Variants in PDE4B observed in about 807,000 individuals in gnomAD.
The protein encoded by PDE4B is phosphodiesterase 4B, also known as 3',5'-cyclic-AMP phosphodiesterase 4B.
A neutral mutation model predicts 82.2 loss-of-function variants in PDE4B; 20 were observed. The observed-to-expected ratio is 0.24, with a 90% confidence interval of 0.17 to 0.35. PDE4B has a LOEUF of 0.35. Ranked by LOEUF, PDE4B falls within the 10% of genes least tolerant of loss-of-function variation. The pLI, the probability that PDE4B is intolerant of heterozygous loss-of-function variation, is 1.00. For missense variants in PDE4B, 655 were observed against 907.2 expected (o/e 0.72, Z 3.57); for synonymous variants, 320 against 318.9 (o/e 1.00, Z -0.04).
intron 7 of PDE4B, chr1:66,332,170 T>C: frequency 7.2e-7 from 1 of 1,387,418 alleles, no homozygotes; most frequent in Non-Finnish European, 9.3e-7. Flanking sequence ...AACTCTTTGG[T>C]GCTTCTGCCT....
At chr1:66,118,285 G>A (rs7418220) in intron 3 of PDE4B, among the ~76,000 whole-genome samples, 73,930 of 151,790 alleles carry the variant, frequency 0.49, 18,599 homozygotes, top group East Asian at 0.67. Flanking sequence ...TGTTTATTGC[G>A]GCACTATTCA....
chr1:66,148,807 G>A (rs1193545403), intron 3 of PDE4B, among the ~76,000 whole-genome samples: 3 of 152,084 alleles, frequency 2.0e-5, no homozygotes, highest in Non-Finnish European at 4.4e-5. Context: ...AATGTTTTTA[G>A]GGTTTATTCA....
chr1:66,074,271 C>T (rs12121473), intron 3 of PDE4B, among the ~76,000 whole-genome samples: 35,085 of 151,948 alleles, frequency 0.23, 4,715 homozygotes, highest in Middle Eastern at 0.37. Flanking sequence ...TTAATAATAC[C>T]TTCCTTTTGT....
intron 3 of PDE4B, among the ~76,000 whole-genome samples, chr1:66,199,522 T>C (rs531984382): frequency 5.4e-4 from 82 of 152,292 alleles, no homozygotes; most frequent in African/African-American, 1.8e-3. Flanking sequence ...TATTAGCCCT[T>C]TGTCAGATGA....
At chr1:66,140,241 G>T (rs1320771256) in intron 3 of PDE4B, among the ~76,000 whole-genome samples, 2 of 152,160 alleles carry the variant, frequency 1.3e-5, no homozygotes, top group Non-Finnish European at 2.9e-5. Flanking sequence ...CTCACTTCCT[G>T]TGTAGTGCCA....
intron 3 of PDE4B, chr1:66,112,808 C>A (rs912955749): frequency 2.6e-5 from 4 of 152,346 alleles, no homozygotes; most frequent in African/African-American, 9.6e-5. Context: ...AGCAAATCAT[C>A]ATAGCAACTC....
chr1:66,300,652 T>C (rs961422876), intron 7 of PDE4B, among the ~76,000 whole-genome samples: 10 of 152,154 alleles, frequency 6.6e-5, no homozygotes, highest in Non-Finnish European at 1.3e-4. Context: ...GCCTACAGTG[T>C]GTGTATAGCT....
At chr1:66,048,548 A>G (rs1654840336) in intron 3 of PDE4B, among the ~76,000 whole-genome samples, 1 of 151,974 alleles carries the variant, frequency 6.6e-6, no homozygotes, top group Non-Finnish European at 1.5e-5. Flanking sequence ...CACTACAAAG[A>G]AAGTAGTCTA....
chr1:66,147,295 A>T (rs577690088), intron 3 of PDE4B, among the ~76,000 whole-genome samples: 1 of 152,178 alleles, frequency 6.6e-6, no homozygotes, highest in African/African-American at 2.4e-5. Flanking sequence ...ATTCGTTATC[A>T]TATTTGGCCC....
At chr1:66,352,200 TTCGCCA>T (rs1661884178) in intron 8 of PDE4B, among the ~76,000 whole-genome samples, 1 of 152,174 alleles carries the variant, frequency 6.6e-6, no homozygotes, top group African/African-American at 2.4e-5. Flanking sequence ...ATTTGCATAC[TTCGCCA>T]TGTTGTGTGT....
At chr1:66,192,049 A>G (rs539540883) in intron 3 of PDE4B, among the ~76,000 whole-genome samples, 1 of 152,290 alleles carries the variant, frequency 6.6e-6, no homozygotes, top group South Asian at 2.1e-4. Flanking sequence ...AAGTCTTTTT[A>G]GGAAAAATAA....
At chr1:66,093,676 A>T (rs1645065197) in intron 3 of PDE4B, among the ~76,000 whole-genome samples, 2 of 152,064 alleles carry the variant, frequency 1.3e-5, no homozygotes, top group South Asian at 4.1e-4. Flanking sequence ...GCCTTCTTTA[A>T]CTTTATTTAA....
At chr1:66,337,973 CT>C (rs1478146332) in intron 8 of PDE4B, among the ~76,000 whole-genome samples, 1 of 152,208 alleles carries the variant, frequency 6.6e-6, no homozygotes, top group Admixed American at 6.5e-5. Context: ...TATTTGGAAT[CT>C]TTCCATATTC....
chr1:66,123,043 ATC>A (rs1645745640), intron 3 of PDE4B, among the ~76,000 whole-genome samples: 1 of 151,396 alleles, frequency 6.6e-6, no homozygotes, highest in Non-Finnish European at 1.5e-5. Flanking sequence ...TTGACCATTT[ATC>A]TGTTTCTCTT....
chr1:65,929,315 G>A (rs963733905), intron 3 of PDE4B, among the ~76,000 whole-genome samples: 3 of 152,128 alleles, frequency 2.0e-5, no homozygotes, highest in African/African-American at 7.2e-5. Flanking sequence ...ACTGGGGATG[G>A]GGAAGCTGTT....
At chr1:66,177,540 A>T (rs943992827) in intron 3 of PDE4B, among the ~76,000 whole-genome samples, 1 of 152,224 alleles carries the variant, frequency 6.6e-6, no homozygotes, top group Non-Finnish European at 1.5e-5. Context: ...CTGAAGGAAG[A>T]TTTTATTTGA....
At chr1:66,121,095 A>G (rs1323138118) in intron 3 of PDE4B, among the ~76,000 whole-genome samples, 1 of 152,206 alleles carries the variant, frequency 6.6e-6, no homozygotes, top group Non-Finnish European at 1.5e-5. Context: ...AGGATAGACC[A>G]GAAAATAGTG....
At chr1:65,929,010 T>C (rs1462749401) in intron 3 of PDE4B, among the ~76,000 whole-genome samples, 1 of 152,210 alleles carries the variant, frequency 6.6e-6, no homozygotes, top group Admixed American at 6.5e-5. Context: ...GTTCTTCAGA[T>C]TTCTGTTTAT....
rs564633512 is a variant in PDE4B at position 66,290,122 on chromosome 1, A to C, written c.634+24035A>C. On this transcript the variant is annotated intron_variant, in intron 7 of 16. Transcript: ENST00000341517. ...TAATTTTCAGTGATCTGATGTAGCC[A>C]AGAAGAGATATCAACACAGCAGAGA... Among the ~76,000 whole-genome samples the C allele has an allele frequency of 2.6e-5, 4 of 152,286 alleles. No individual in the cohort carries two copies. The East Asian group carries it at 7.7e-4, about 29-fold the overall frequency.
Sources: gnomAD v4.1 joint callset for allele counts (sites outside exome capture counted in the v4.1 genomes callset) on GRCh38, gnomAD v4.1.1 for gene constraint, MANE v1.5 for transcripts, NCBI Gene and HGNC (gene_info 2026-07-23, HGNC 2026-07-21) for gene names.